The following CAMKMT variants were observed in gnomAD, a reference collection of about 807,000 sequenced individuals.
The protein encoded by CAMKMT is calmodulin-lysine N-methyltransferase, also known as CaM KMT.
A neutral mutation model predicts 48.0 loss-of-function variants in CAMKMT; 53 were observed. The observed-to-expected ratio is 1.10, with a 90% CI of 0.89 to 1.39. The LOEUF (loss-of-function observed/expected upper bound fraction) is 1.39, where lower values mean the gene tolerates loss of function less well. Ranked by LOEUF, CAMKMT falls within the 40% of genes most tolerant of loss-of-function variation. CAMKMT has a pLI of 0.00. For missense variants in CAMKMT, 428 were observed against 402.7 expected (o/e 1.06, Z -0.54); for synonymous variants, 165 against 152.3 (o/e 1.08, Z -0.61).
chr2:44,752,875 G>T (rs1233559938), intron 8 of CAMKMT, among the ~76,000 whole-genome samples: 2 of 152,118 alleles, frequency 1.3e-5, no homozygotes, highest in Non-Finnish European at 2.9e-5. Context: ...TGAATTTGGG[G>T]GAAACATTCA....
chr2:44,525,398 G>A (rs1671352768), intron 3 of CAMKMT, among the ~76,000 whole-genome samples: 1 of 152,010 alleles, frequency 6.6e-6, no homozygotes. Flanking sequence ...GGGACTACAG[G>A]TGCTTGCCAC....
intron 8 of CAMKMT, among the ~76,000 whole-genome samples, chr2:44,753,496 T>C (rs1680242762): frequency 6.6e-6 from 1 of 151,916 alleles, no homozygotes; most frequent in Non-Finnish European, 1.5e-5. Flanking sequence ...AAAGTTGCCA[T>C]GGTCTCTGTG....
At chr2:44,362,193 C>G (rs1677938674) in intron 1 of CAMKMT, 48 bp downstream of exon 1, 1 of 1,388,356 alleles carries the variant, frequency 7.2e-7, no homozygotes, top group African/African-American at 1.5e-5. Context: ...TCACTCCTCT[C>G]TCACGTACCG....
chr2:44,717,731 G>C (rs1395832732), intron 7 of CAMKMT, among the ~76,000 whole-genome samples: 3 of 151,948 alleles, frequency 2.0e-5, no homozygotes, highest in Admixed American at 1.3e-4. Context: ...TTCAAAGCTT[G>C]ACATGAGGTT....
intron 3 of CAMKMT, among the ~76,000 whole-genome samples, chr2:44,680,986 T>C: frequency 6.6e-6 from 1 of 152,238 alleles, no homozygotes; most frequent in East Asian, 1.9e-4. Context: ...CTTGTGTTTT[T>C]AGAGAAAAAT....
chr2:44,581,929 G>A (rs958937963), intron 3 of CAMKMT, among the ~76,000 whole-genome samples: 1 of 152,222 alleles, frequency 6.6e-6, no homozygotes, highest in Non-Finnish European at 1.5e-5. Flanking sequence ...AACCATGGAG[G>A]CAGAGGTTGC....
intron 8 of CAMKMT, among the ~76,000 whole-genome samples, chr2:44,751,940 C>G (rs557590853): frequency 1.3e-5 from 2 of 152,206 alleles, no homozygotes; most frequent in East Asian, 3.9e-4. Context: ...TTCTTTCAAC[C>G]AACCAGATCT....
At chr2:44,459,203 C>T (rs969398338) in intron 3 of CAMKMT, among the ~76,000 whole-genome samples, 20 of 152,184 alleles carry the variant, frequency 1.3e-4, no homozygotes, top group African/African-American at 4.8e-4. Flanking sequence ...TGAAGACCAG[C>T]TTTAGAATTT....
intron 7 of CAMKMT, among the ~76,000 whole-genome samples, chr2:44,740,493 G>A (rs1679617092): frequency 6.6e-6 from 1 of 152,058 alleles, no homozygotes; most frequent in South Asian, 2.1e-4. Flanking sequence ...GAGGAGGAGG[G>A]GAATAGTGTC....
intron 3 of CAMKMT, chr2:44,631,456 A>G: frequency 1.7e-6 from 1 of 595,218 alleles, no homozygotes; most frequent in South Asian, 2.2e-5. Context: ...AGTTTAAATA[A>G]GAAAAAAAAA....
intron 2 of CAMKMT, among the ~76,000 whole-genome samples, chr2:44,373,877 A>C (rs1250577480): frequency 2.0e-5 from 3 of 152,086 alleles, no homozygotes; most frequent in Admixed American, 2.0e-4. Context: ...TAATCCTAGC[A>C]CTTCAGGAGG....
At chr2:44,567,052 G>T (rs1000129109) in intron 3 of CAMKMT, among the ~76,000 whole-genome samples, 1 of 152,114 alleles carries the variant, frequency 6.6e-6, no homozygotes, top group Non-Finnish European at 1.5e-5. Context: ...CAGTATTTCA[G>T]AAGCAAGTTC....
intron 3 of CAMKMT, among the ~76,000 whole-genome samples, chr2:44,512,735 A>T (rs1008786134): frequency 5.9e-5 from 9 of 152,264 alleles, no homozygotes; most frequent in Admixed American, 1.3e-4. Context: ...CATGATGTAT[A>T]GTCAACTTAC....
At chr2:44,602,362 T>C (rs1671045354) in intron 3 of CAMKMT, among the ~76,000 whole-genome samples, 1 of 152,130 alleles carries the variant, frequency 6.6e-6, no homozygotes, top group Non-Finnish European at 1.5e-5. Context: ...CCTAGTATTC[T>C]ATAGTGTGAA....
At chr2:44,506,734 T>C (rs962558865) in intron 3 of CAMKMT, among the ~76,000 whole-genome samples, 4 of 152,178 alleles carry the variant, frequency 2.6e-5, no homozygotes, top group African/African-American at 9.7e-5. Context: ...TTATACCAAA[T>C]TGGATTTCTG....
chr2:44,372,677 T>G, intron 1 of CAMKMT, 39 bp from the exon 2 acceptor site: 1 of 1,583,174 alleles, frequency 6.3e-7, no homozygotes, highest in Non-Finnish European at 8.6e-7. Flanking sequence ...TACTATATGT[T>G]TAGATAACAT....
At chr2:44,734,212 A>G (rs1033456605) in intron 7 of CAMKMT, among the ~76,000 whole-genome samples, 1 of 151,942 alleles carries the variant, frequency 6.6e-6, no homozygotes, top group Non-Finnish European at 1.5e-5. Context: ...AATTTCCTCT[A>G]AGTACTTCAT....
chr2:44,428,124 C>G (rs1450050245), intron 3 of CAMKMT, among the ~76,000 whole-genome samples: 1 of 152,086 alleles, frequency 6.6e-6, no homozygotes, highest in African/African-American at 2.4e-5. Flanking sequence ...CTTTTTACAC[C>G]CTGCCCTCTT....
intron 3 of CAMKMT, among the ~76,000 whole-genome samples, chr2:44,429,301 GTGTGTGTA>G (rs1238343510): frequency 6.6e-6 from 1 of 151,426 alleles, no homozygotes; most frequent in Non-Finnish European, 1.5e-5. Context: ...GTGTGTGTGT[GTGTGTGTA>G]TGTCTTATGG....
Sources: gnomAD v4.1 joint callset for allele counts (sites outside exome capture counted in the v4.1 genomes callset) on GRCh38, gnomAD v4.1.1 for gene constraint, MANE v1.5 for transcripts, NCBI Gene and HGNC (gene_info 2026-07-23, HGNC 2026-07-21) for gene names.